HSD17B12: variants seen among roughly 807,000 people sequenced by gnomAD.
HSD17B12 encodes very-long-chain 3-oxoacyl-CoA reductase.
Under a neutral mutation model 39.3 loss-of-function variants are expected in HSD17B12, and 32 were observed. The observed-to-expected ratio is 0.81, with a 90% CI of 0.61 to 1.09. HSD17B12 has a LOEUF of 1.09. HSD17B12 is among the 50% of genes least tolerant of loss of function. HSD17B12 has a pLI of 0.00. For synonymous variants in HSD17B12, 150 were observed against 146.7 expected (o/e 1.02, Z -0.16); for missense variants, 342 against 382.9 (o/e 0.89, Z 0.89).
intron 9 of HSD17B12, among the ~76,000 whole-genome samples, chr11:43,851,151 A>C (rs1025940975): frequency 2.0e-5 from 3 of 152,200 alleles, no homozygotes; most frequent in Non-Finnish European, 4.4e-5. Flanking sequence ...GCTTTGCTTT[A>C]TGGCCTAATT....
the HSD17B12 span, among the ~76,000 whole-genome samples, chr11:43,591,874 A>G: frequency 6.6e-6 from 1 of 152,112 alleles, no homozygotes; most frequent in Admixed American, 6.5e-5. Context: ...CACAAAGAAA[A>G]TGTAACTTTC....
chr11:43,743,720 C>T (rs1385232718), intron 1 of HSD17B12, among the ~76,000 whole-genome samples: 1 of 152,122 alleles, frequency 6.6e-6, no homozygotes, highest in African/African-American at 2.4e-5. Flanking sequence ...TTGTGGATTC[C>T]CCAATGACAA....
chr11:43,653,387 G>T, the HSD17B12 span, among the ~76,000 whole-genome samples: 1 of 151,786 alleles, frequency 6.6e-6, no homozygotes, highest in African/African-American at 2.4e-5. Context: ...CTTGGTTGAC[G>T]CAAAAATTTC....
At chr11:43,809,579 G>A (rs1461802769) in intron 4 of HSD17B12, among the ~76,000 whole-genome samples, 1 of 152,166 alleles carries the variant, frequency 6.6e-6, no homozygotes, top group Non-Finnish European at 1.5e-5. Flanking sequence ...AGCACTTTGG[G>A]AGGCCAAGGC....
chr11:43,567,522 G>A, the HSD17B12 span, among the ~76,000 whole-genome samples: 2 of 152,196 alleles, frequency 1.3e-5, no homozygotes, highest in Admixed American at 6.5e-5. Context: ...GCAGAGATTT[G>A]TTCTATAGAG....
intron 2 of HSD17B12, among the ~76,000 whole-genome samples, chr11:43,752,045 T>C (rs1308088071): frequency 6.6e-6 from 1 of 152,216 alleles, no homozygotes; most frequent in Non-Finnish European, 1.5e-5. Context: ...TGGTGTCATG[T>C]CTCTTAGTCT....
Position 43,680,765 on chromosome 11 carries a change from T to G in HSD17B12, c.-63T>G. On this transcript the variant is annotated 5_prime_UTR_variant, in exon 1 of 11. Transcript: ENST00000278353. The stretch of plus-strand genomic sequence containing the variant: ...CATCCTCACCGTCACGGCCGGCGCC[T>G]CCTCCTGGATTCATTCACTCGCTCT... The G allele has an allele frequency of 3.4e-6, 5 of 1,469,964 alleles. No individual in the cohort carries two copies. The highest frequency in any genetic ancestry group is 2.3e-5 in the East Asian group (1 of 43,766). The allele number at this position is 1,469,964 out of a possible 1,614,324, so 91.1% of individuals were successfully genotyped here. A position where few individuals can be genotyped will look rare whatever the true frequency, so the allele number is the denominator to read the frequency against.
At chr11:43,717,811 T>TTC (rs1481481707) in intron 1 of HSD17B12, among the ~76,000 whole-genome samples, 2 of 150,774 alleles carry the variant, frequency 1.3e-5, no homozygotes, top group Non-Finnish European at 3.0e-5. Context: ...CTTCTTTTTT[T>TTC]TTTTTTTTTT....
intron 9 of HSD17B12, among the ~76,000 whole-genome samples, chr11:43,849,219 G>T (rs1302614455): frequency 1.3e-5 from 2 of 152,092 alleles, no homozygotes; most frequent in Non-Finnish European, 2.9e-5. Flanking sequence ...GTGGGAGGAT[G>T]GCTTGAGCCC....
the HSD17B12 span, among the ~76,000 whole-genome samples, chr11:43,633,325 A>C: frequency 6.6e-6 from 1 of 152,124 alleles, no homozygotes; most frequent in African/African-American, 2.4e-5. Context: ...TGAGGTCAGG[A>C]GTTTGAGACC....
chr11:43,644,972 G>C, the HSD17B12 span: 1 of 152,248 alleles, frequency 6.6e-6, no homozygotes, highest in Non-Finnish European at 1.5e-5. Context: ...ACGAGCACCA[G>C]GGTTGCAGGT....
At chr11:43,697,365 A>C (rs537151722) in intron 1 of HSD17B12, among the ~76,000 whole-genome samples, 1 of 152,322 alleles carries the variant, frequency 6.6e-6, no homozygotes, top group South Asian at 2.1e-4. Flanking sequence ...AGAAAAGTAG[A>C]AGATGATGAT....
chr11:43,597,843 C>T, the HSD17B12 span, among the ~76,000 whole-genome samples: 1 of 152,120 alleles, frequency 6.6e-6, no homozygotes, highest in Non-Finnish European at 1.5e-5. Flanking sequence ...CTATGTTGGC[C>T]AGGCTGGTCT....
Position 43,855,096 on chromosome 11 carries a change from C to A in HSD17B12, c.835-48C>A, listed in dbSNP as rs534508426. The A allele has an allele frequency of 1.6e-5, 21 of 1,335,704 alleles. No homozygotes were observed. The South Asian group carries it at 2.6e-4, about 17-fold the overall frequency. The allele number at this position is 1,335,704 out of a possible 1,614,324, so 82.7% of individuals were successfully genotyped here. A position where few individuals can be genotyped will look rare whatever the true frequency, so the allele number is the denominator to read the frequency against. ...ATTAAATCATATGCTTCAATTTAGC[C>A]CAAATTGTAGGCTATAATTACATAT... On this transcript the variant is annotated intron_variant, in intron 10 of 10. Transcript: ENST00000278353.
chr11:43,783,756 C>T (rs1014702862), intron 3 of HSD17B12, among the ~76,000 whole-genome samples: 2 of 151,920 alleles, frequency 1.3e-5, no homozygotes, highest in African/African-American at 2.4e-5. Flanking sequence ...GAACACATCC[C>T]CAAAGAGCGT....
chr11:43,764,262 A>G (rs1273894557), intron 3 of HSD17B12, among the ~76,000 whole-genome samples: 1 of 152,158 alleles, frequency 6.6e-6, no homozygotes, highest in Non-Finnish European at 1.5e-5. Context: ...TTAGCCAAAT[A>G]TCTGAATTTT....
chr11:43,798,355 G>C lies in HSD17B12; in HGVS notation c.319G>C (p.Val107Leu). The C allele has an allele frequency of 6.2e-7, 1 of 1,612,180 alleles. No individual in the cohort carries two copies. Among genetic ancestry groups the C allele is most frequent in the Non-Finnish European group, 8.5e-7 (1 of 1,178,758 alleles). ...KFKVETRTIA[V>L]DFASEDIYDK... ...CAAAGTGGAGACAAGAACCATTGCT[G>C]TTGACTTTGCATCAGAAGATATTTA... is the stretch of plus-strand genomic sequence containing the variant. The change falls in exon 4 of 11, where the codon GTT (valine) becomes CTT (leucine). Residue 107 changes from valine (V) to leucine (L), a missense_variant. Physicochemically the swap from Val to Leu is conservative, Grantham distance 32 (BLOSUM62 1). Coordinates refer to ENST00000278353, the MANE Select transcript of HSD17B12 (RefSeq NM_016142.3).
chr11:43,733,886 A>G, intron 1 of HSD17B12: 4 of 682,324 alleles, frequency 5.9e-6, no homozygotes, highest in Non-Finnish European at 8.2e-6. Flanking sequence ...GACCAATTCC[A>G]TGGAGTACAG....
chr11:43,766,060 T>G (rs1404350576), intron 3 of HSD17B12, among the ~76,000 whole-genome samples: 1 of 152,130 alleles, frequency 6.6e-6, no homozygotes, highest in Non-Finnish European at 1.5e-5. Flanking sequence ...CTCCTGACCT[T>G]GTGATCTGCC....
Sources: allele counts gnomAD v4.1 joint callset (sites outside exome capture counted in the v4.1 genomes callset), GRCh38; gene constraint gnomAD v4.1.1; transcripts MANE v1.5; gene names NCBI Gene and HGNC (gene_info 2026-07-23, HGNC 2026-07-21).